The following SEC24D variants were observed in gnomAD, a reference collection of about 807,000 sequenced individuals.
The protein encoded by SEC24D is protein transport protein Sec24D.
In SEC24D, 69 loss-of-function variants were observed where a neutral mutation model predicts 116.9. The observed-to-expected ratio is 0.59, with a 90% CI of 0.49 to 0.72. SEC24D has a LOEUF of 0.72. Among genes scored for constraint, SEC24D ranks in the 30% least tolerant of loss-of-function variants. The pLI is 0.00. For synonymous variants in SEC24D, 405 were observed against 442.8 expected, an observed-to-expected ratio of 0.91 and a Z score of 1.07; for missense variants, 1,131 against 1,264.1, an observed-to-expected ratio of 0.89 and a Z score of 1.60.
At chr4:118,756,701 T>A (rs1397670625) in intron 11 of SEC24D, among the ~76,000 whole-genome samples, 2 of 152,132 alleles carry the variant, frequency 1.3e-5, no homozygotes, top group Non-Finnish European at 2.9e-5. Context: ...ACAGACAACA[T>A]TTCCCAGCCT....
Position 118,817,271 on chromosome 4 carries a change from G to A in SEC24D, c.390C>T (p.Asn130=), listed in dbSNP as rs1730190445. The A allele has an allele frequency of 1.2e-6, 2 of 1,603,166 alleles. No individual in the cohort carries two copies. Among genetic ancestry groups the A allele is most frequent in the African/African-American group, 2.7e-5 (2 of 74,306 alleles). Residue 130 remains asparagine, a synonymous_variant, in exon 4 of 23, where the codon AAC becomes AAT. Transcript: ENST00000280551. Reference sequence around the variant, plus strand: ...TAATAATAAAACTATTACCATAGCTGTTGATTTGCATAGCACTGAGCTGGC... The same window carrying A: ...TAATAATAAAACTATTACCATAGCTATTGATTTGCATAGCACTGAGCTGGC... ...LGSQLSAMQI[N]SYGSGMAPPS...
Position 118,763,231 on chromosome 4 carries a change from G to A in SEC24D, c.1296+1571C>T, listed in dbSNP as rs911998390. Among the ~76,000 whole-genome samples, 5 of 152,188 alleles carry A rather than the reference G, an allele frequency of 3.3e-5. No individual in the cohort carries two copies. In the East Asian group the frequency reaches 9.6e-4, roughly 29 times the overall value. On this transcript the variant is annotated intron_variant, in intron 10 of 22. Coordinates refer to ENST00000280551, the MANE Select transcript of SEC24D (RefSeq NM_014822.4). Reference sequence around the variant, plus strand: ...ATTTCCCTAAGTATGTTCAGATGTTGCAACATCTTAAACTAATAAAGCATC... The same window carrying A: ...ATTTCCCTAAGTATGTTCAGATGTTACAACATCTTAAACTAATAAAGCATC...
intron 6 of SEC24D, among the ~76,000 whole-genome samples, chr4:118,807,081 T>C (rs1729710847): frequency 6.6e-6 from 1 of 152,342 alleles, no homozygotes; most frequent in East Asian, 1.9e-4. Flanking sequence ...ATATACAACC[T>C]ATAAAAACCT....
chr4:118,756,038 C>T (rs1184015440), intron 11 of SEC24D, among the ~76,000 whole-genome samples: 7 of 152,124 alleles, frequency 4.6e-5, no homozygotes, highest in Non-Finnish European at 8.8e-5. Flanking sequence ...ATATCACCAG[C>T]ATTGATAAGG....
intron 2 of SEC24D, among the ~76,000 whole-genome samples, chr4:118,831,900 T>A (rs1730875386): frequency 1.3e-5 from 2 of 151,980 alleles, no homozygotes; most frequent in South Asian, 4.2e-4. Flanking sequence ...TCAAAAGAAA[T>A]GTCCAGAAAG....
chr4:118,723,700 A>G, intron 22 of SEC24D, 45 bp from the exon 23 acceptor site: 1 of 1,577,536 alleles, frequency 6.3e-7, no homozygotes, highest in African/African-American at 1.4e-5. Flanking sequence ...GGTTATAAAC[A>G]TTATTTGAAA....
chr4:118,781,918 T>A (rs571538261), intron 8 of SEC24D, among the ~76,000 whole-genome samples: 2 of 152,204 alleles, frequency 1.3e-5, no homozygotes, highest in Non-Finnish European at 2.9e-5. Context: ...TTTCGCACCA[T>A]GGTTTTCAGC....
chr4:118,778,155 G>A (rs1167676615), intron 8 of SEC24D, among the ~76,000 whole-genome samples: 1 of 152,090 alleles, frequency 6.6e-6, no homozygotes, highest in African/African-American at 2.4e-5. Context: ...CATTGCTTTT[G>A]GTGTTTTAGA....
chr4:118,792,839 A>G (rs1164104594), intron 8 of SEC24D, among the ~76,000 whole-genome samples: 2 of 152,194 alleles, frequency 1.3e-5, no homozygotes, highest in Admixed American at 1.3e-4. Flanking sequence ...CTATTGTCCT[A>G]TGACCCTGCC....
chr4:118,783,073 G>A (rs1322464491), intron 8 of SEC24D, among the ~76,000 whole-genome samples: 8 of 152,166 alleles, frequency 5.3e-5, no homozygotes, highest in African/African-American at 9.7e-5. Context: ...GTGAGGCGAC[G>A]CCCCGCCCTG....
In SEC24D at chr4:118,744,299, A is replaced by AAAC. The variant is rs1207412019; in HGVS notation, c.1825-144_1825-142dup. ...TCCCGTTAAGTGAACTGGGCTGAAGAAACACACTGTGGTCATCATCAGTGC... is the reference window on the plus strand; with the variant it reads ...TCCCGTTAAGTGAACTGGGCTGAAGAAACAACACACTGTGGTCATCATCAGTGC... On this transcript the variant is annotated intron_variant, in intron 14 of 22. Transcript: ENST00000280551. 9 of 844,396 alleles carry AAAC rather than the reference A, an allele frequency of 1.1e-5. No homozygotes were observed. In the African/African-American group the frequency reaches 1.6e-4, roughly 15 times the overall value. 52.3% of individuals were successfully genotyped at this position (844,396 alleles called of 1,614,324 possible). A position where few individuals can be genotyped will look rare whatever the true frequency, so the allele number is the denominator to read the frequency against.
chr4:118,771,967 G>C (rs900559983), intron 8 of SEC24D, among the ~76,000 whole-genome samples: 1 of 152,108 alleles, frequency 6.6e-6, no homozygotes, highest in East Asian at 1.9e-4. Context: ...TCATAAACAA[G>C]AGCTCTTTTT....
In SEC24D at chr4:118,738,347, C is replaced by T. The variant is rs1216285184; in HGVS notation, c.2410G>A (p.Val804Ile). ...FKAVLHQPLK[V>I]IREILVNQTA... ...TGATTAACTAGAATTTCCCGGATGACCTTCAAAGGCTGGTGGAGAACTGCT... is the reference window on the plus strand; with the variant it reads ...TGATTAACTAGAATTTCCCGGATGATCTTCAAAGGCTGGTGGAGAACTGCT... Residue 804 changes from valine to isoleucine, a missense_variant, in exon 19 of 23, where the codon GTC becomes ATC. Physicochemically the swap from Val to Ile is conservative, Grantham distance 29. Transcript: ENST00000280551. The T allele has an allele frequency of 1.2e-6, 2 of 1,613,224 alleles. No homozygotes were observed. The highest frequency in any genetic ancestry group is 1.7e-6 in the Non-Finnish European group (2 of 1,179,360).
chr4:118,742,121 T>C (rs527441399), intron 15 of SEC24D, among the ~76,000 whole-genome samples: 23 of 152,180 alleles, frequency 1.5e-4, no homozygotes, highest in Non-Finnish European at 2.8e-4. Flanking sequence ...CAAGTAAATA[T>C]CCTTTTATAT....
intron 2 of SEC24D, among the ~76,000 whole-genome samples, chr4:118,829,291 T>A (rs1021778878): frequency 3.9e-5 from 6 of 152,170 alleles, no homozygotes; most frequent in Admixed American, 3.3e-4. Context: ...GGCAGGAGGA[T>A]GGCTTGAGGC....
chr4:118,724,481 T>C (rs1725306844), intron 22 of SEC24D, among the ~76,000 whole-genome samples: 1 of 152,138 alleles, frequency 6.6e-6, no homozygotes, highest in Non-Finnish European at 1.5e-5. Flanking sequence ...GTATGAAAAA[T>C]AAAATATAAA....
chr4:118,815,699 C>T lies in SEC24D; in HGVS notation c.425G>A (p.Gly142Glu). The change falls in exon 5 of 23, where the codon GGA becomes GAA. Residue 142 changes from glycine (G) to glutamate (E), a missense_variant. By Grantham distance (98) the Gly-to-Glu change is moderately conservative (BLOSUM62 -2). Coordinates refer to ENST00000280551, the MANE Select transcript of SEC24D (RefSeq NM_014822.4). Reference protein sequence around the residue: ...YGSGMAPPSQGPPGPLSATSL... With the variant: ...YGSGMAPPSQEPPGPLSATSL... Reference sequence around the variant, plus strand: ...TGTGGCTGACAGAGGGCCAGGGGGTCCCTGGCTTGGAGGAGCCATGCCTGA... The same window carrying T: ...TGTGGCTGACAGAGGGCCAGGGGGTTCCTGGCTTGGAGGAGCCATGCCTGA... 6.2e-7 allele frequency: 1 copy of T among 1,614,008 alleles called. No individual in the cohort carries two copies. Among genetic ancestry groups the T allele is most frequent in the Non-Finnish European group, 8.5e-7 (1 of 1,180,012 alleles).
Position 118,743,896 on chromosome 4 carries a change from C to A in SEC24D, c.1995+92G>T, listed in dbSNP as rs11098448. 2.2e-3 allele frequency: 2,484 copies of A among 1,150,268 alleles called. 36 individuals carry two copies. In the African/African-American group the frequency reaches 0.034, roughly 16 times the overall value. 71.3% of individuals were successfully genotyped at this position (1,150,268 alleles called of 1,614,324 possible). On this transcript the variant is annotated intron_variant, in intron 15 of 22. Coordinates refer to ENST00000280551, the MANE Select transcript of SEC24D (RefSeq NM_014822.4). The stretch of plus-strand genomic sequence containing the variant: ...CTTGAATTTATATGTGTCATCTACC[C>A]ACCAGGGAACACAGCTTTTTAAACC...
At chr4:118,779,725 T>C (rs1223011806) in intron 8 of SEC24D, among the ~76,000 whole-genome samples, 1 of 152,226 alleles carries the variant, frequency 6.6e-6, no homozygotes, top group African/African-American at 2.4e-5. Flanking sequence ...TGTGAATCCA[T>C]CTGGTCCTGG....
Sources: gnomAD v4.1 joint callset for allele counts (sites outside exome capture counted in the v4.1 genomes callset) on GRCh38, gnomAD v4.1.1 for gene constraint, MANE v1.5 for transcripts, NCBI Gene and HGNC (gene_info 2026-07-23, HGNC 2026-07-21) for gene names.